Variants in GRIK2 observed in about 807,000 individuals in gnomAD.
The protein encoded by GRIK2 is glutamate receptor ionotropic, kainate 2.
GRIK2 carries 32 observed loss-of-function variants against 100.3 expected under a neutral mutation model. The observed-to-expected ratio is 0.32, with a 90% CI of 0.24 to 0.43. The LOEUF is 0.43. Among genes scored for constraint, GRIK2 ranks in the 20% least tolerant of loss-of-function variants. GRIK2 has a pLI of 1.00. For synonymous variants in GRIK2, 417 were observed against 389.4 expected, an observed-to-expected ratio of 1.07 and a Z score of -0.83; for missense variants, 843 against 1,114.9, an observed-to-expected ratio of 0.76 and a Z score of 3.47.
chr6:101,734,828 A>G (rs1219168608), intron 7 of GRIK2, among the ~76,000 whole-genome samples: 1 of 152,162 alleles, frequency 6.6e-6, no homozygotes, highest in Non-Finnish European at 1.5e-5. Flanking sequence ...TGGGTTGTTG[A>G]GAGGAAAGGC....
chr6:101,790,417 G>C (rs1779758973), intron 7 of GRIK2, among the ~76,000 whole-genome samples: 1 of 151,988 alleles, frequency 6.6e-6, no homozygotes, highest in Non-Finnish European at 1.5e-5. Flanking sequence ...TTAGCATGAA[G>C]GGTTGTTGAA....
At chr6:101,812,625 A>C (rs985211067) in intron 9 of GRIK2, among the ~76,000 whole-genome samples, 1 of 152,018 alleles carries the variant, frequency 6.6e-6, no homozygotes, top group Non-Finnish European at 1.5e-5. Flanking sequence ...TGAGTATGCC[A>C]AAGTCTCCAT....
intron 7 of GRIK2, among the ~76,000 whole-genome samples, chr6:101,690,250 A>G (rs1368694948): frequency 6.6e-6 from 1 of 152,130 alleles, no homozygotes; most frequent in Non-Finnish European, 1.5e-5. Context: ...GATAGATAAT[A>G]CCACATATTT....
chr6:101,678,756 T>C (rs984600933), intron 5 of GRIK2, among the ~76,000 whole-genome samples: 20 of 152,240 alleles, frequency 1.3e-4, no homozygotes, highest in African/African-American at 4.8e-4. Flanking sequence ...TCAGCTAGTC[T>C]GGCTTCATCC....
In GRIK2 at chr6:101,532,538, CT is replaced by C. The variant is rs34312287; in HGVS notation, c.116-89399del. On this transcript the variant is annotated intron_variant, in intron 2 of 16. Coordinates refer to ENST00000369134, the MANE Select transcript of GRIK2 (RefSeq NM_021956.5). ...ATAAAAGAATGATGTCTGGGGAGAC[CT>C]TTTTTTTTTTTAAAGTTTTATTTGT... is the stretch of plus-strand genomic sequence containing the variant. Among the ~76,000 whole-genome samples the C allele has an allele frequency of 4.2e-3, 612 of 146,194 alleles. 15 individuals are homozygous for C. The highest frequency in any genetic ancestry group is 8.5e-3 in the South Asian group (40 of 4,712).
chr6:101,830,300 TA>T (rs1004055721), intron 10 of GRIK2, among the ~76,000 whole-genome samples: 17 of 151,996 alleles, frequency 1.1e-4, no homozygotes, highest in African/African-American at 3.9e-4. Flanking sequence ...AAATTAAATC[TA>T]AGGCCTCAAA....
intron 2 of GRIK2, among the ~76,000 whole-genome samples, chr6:101,497,857 CCTTA>C (rs1773528355): frequency 6.7e-6 from 1 of 149,580 alleles, no homozygotes; most frequent in Admixed American, 6.7e-5. Flanking sequence ...TGTTTTACAA[CCTTA>C]TTTATTATTA....
At position 101,903,393 on chromosome 6, in the gene GRIK2, T is replaced by G. The variant is rs537750166; in HGVS notation, c.1748+13530T>G. 2.6e-5 allele frequency among the ~76,000 whole-genome samples: 4 copies of G among 152,012 alleles called. No homozygotes were observed. The South Asian group carries it at 8.3e-4, about 31-fold the overall frequency. ...AATTTTTATTTCAAGTGCTCATTTC[T>G]GAAATTTTCTTTTTCCTTCATTGTC... is the stretch of plus-strand genomic sequence containing the variant. On this transcript the variant is annotated intron_variant, in intron 12 of 16. Transcript: ENST00000369134.
At chr6:101,738,575 T>C (rs941212889) in intron 7 of GRIK2, among the ~76,000 whole-genome samples, 1 of 152,190 alleles carries the variant, frequency 6.6e-6, no homozygotes, top group African/African-American at 2.4e-5. Flanking sequence ...ACTGGTCTCA[T>C]TCATTCACTC....
At chr6:101,682,851 G>T (rs544462835) in intron 6 of GRIK2, among the ~76,000 whole-genome samples, 2 of 152,180 alleles carry the variant, frequency 1.3e-5, no homozygotes, top group East Asian at 3.9e-4. Flanking sequence ...TTGCTTTAGA[G>T]AACTTTCAGA....
At chr6:101,786,262 CT>C (rs35437235) in intron 7 of GRIK2, among the ~76,000 whole-genome samples, 40,468 of 147,558 alleles carry the variant, frequency 0.27, 7,271 homozygotes, top group East Asian at 0.68. Context: ...GACAATTTGA[CT>C]TTTTTTTTTT....
intron 14 of GRIK2, among the ~76,000 whole-genome samples, chr6:101,973,478 A>G (rs2128486594): frequency 6.6e-6 from 1 of 152,094 alleles, no homozygotes; most frequent in Non-Finnish European, 1.5e-5. Flanking sequence ...TGCAAGACAT[A>G]GAAAGATTCT....
intron 10 of GRIK2, among the ~76,000 whole-genome samples, chr6:101,843,489 C>T (rs1783633881): frequency 6.6e-6 from 1 of 152,128 alleles, no homozygotes; most frequent in South Asian, 2.1e-4. Flanking sequence ...GCATATTTGA[C>T]CAGCTAAATA....
At chr6:101,831,884 T>TA (rs1474686334) in intron 10 of GRIK2, among the ~76,000 whole-genome samples, 1 of 152,096 alleles carries the variant, frequency 6.6e-6, no homozygotes, top group Non-Finnish European at 1.5e-5. Context: ...TTATAAAACT[T>TA]AAAAAATTTA....
At chr6:101,831,448 C>A (rs12110747) in intron 10 of GRIK2, among the ~76,000 whole-genome samples, 1 of 151,938 alleles carries the variant, frequency 6.6e-6, no homozygotes, top group Admixed American at 6.6e-5. Context: ...GACATGAACA[C>A]TAATTAGGGA....
At chr6:101,683,896 A>G (rs1771478716) in intron 6 of GRIK2, among the ~76,000 whole-genome samples, 1 of 152,194 alleles carries the variant, frequency 6.6e-6, no homozygotes, top group African/African-American at 2.4e-5. Flanking sequence ...TGTCTCTAGC[A>G]TCTATCTTCT....
rs972485655 is a variant in GRIK2, at chr6:101,904,909, C to T, written c.1748+15046C>T. Among the ~76,000 whole-genome samples, 7 of 151,560 alleles carry T rather than the reference C, an allele frequency of 4.6e-5. No individual in the cohort carries two copies. The East Asian group carries it at 9.7e-4, about 21-fold the overall frequency. ...TTTCATCCACAGTTGTGAAACTATA[C>T]ATTTTTTACGATTATAATCTTTTTG... is the stretch of plus-strand genomic sequence containing the variant. On this transcript the variant is annotated intron_variant, in intron 12 of 16. Transcript: ENST00000369134.
At chr6:101,756,714 TAA>T (rs780655418) in intron 7 of GRIK2, among the ~76,000 whole-genome samples, 49 of 152,274 alleles carry the variant, frequency 3.2e-4, no homozygotes, top group Non-Finnish European at 6.2e-4. Flanking sequence ...AAATTAAAAA[TAA>T]GATTTATTTT....
chr6:101,643,674 T>C (rs972610690), intron 4 of GRIK2, among the ~76,000 whole-genome samples: 1 of 151,640 alleles, frequency 6.6e-6, no homozygotes, highest in Admixed American at 6.6e-5. Context: ...ATCTCCAACT[T>C]TGTTCTTTTT....
Sources: allele counts gnomAD v4.1 joint callset (sites outside exome capture counted in the v4.1 genomes callset), GRCh38; gene constraint gnomAD v4.1.1; transcripts MANE v1.5; gene names NCBI Gene and HGNC (gene_info 2026-07-23, HGNC 2026-07-21).